PATJ: variants seen among roughly 807,000 people sequenced by gnomAD.
The protein encoded by PATJ is inaD-like protein.
In PATJ, 190 loss-of-function variants were observed where a neutral mutation model predicts 224.9. The ratio of observed to expected loss-of-function variants is 0.84; its 90% CI spans 0.75 to 0.95. The LOEUF is 0.95. Ranked by LOEUF, PATJ falls within the 40% of genes least tolerant of loss-of-function variation. The probability of loss-of-function intolerance (pLI) is 0.00; values close to 1 mark genes in which losing one functional copy is unlikely to be tolerated. For missense variants in PATJ, 2,121 were observed against 2,270.3 expected, an observed-to-expected ratio of 0.93 and a Z score of 1.34; for synonymous variants, 769 against 820.3, an observed-to-expected ratio of 0.94 and a Z score of 1.07.
In PATJ at chr1:61,766,317, T is replaced by C. The variant is rs1446005086; in HGVS notation, c.228T>C (p.Asp76=). 1.2e-6 allele frequency: 2 copies of C among 1,611,824 alleles called. No individual in the cohort carries two copies. Among genetic ancestry groups the C allele is most frequent in the Non-Finnish European group, 1.7e-6 (2 of 1,179,076 alleles). ...CCTCAGATTGTTCAGCCAACTTTGATTTTTCTAGGAAAGGTTTGTTAGTGT... is the reference window on the plus strand; with the variant it reads ...CCTCAGATTGTTCAGCCAACTTTGACTTTTCTAGGAAAGGTTTGTTAGTGT... The part of the protein sequence containing the change: ...HIPSDCSANF[D]FSRKGLLVFT... Residue 76 remains aspartate (D), a synonymous_variant, in exon 4 of 44, where the codon GAT becomes GAC. Transcript: ENST00000642238.
intron 20 of PATJ, among the ~76,000 whole-genome samples, chr1:61,871,717 C>T (rs991013464): frequency 6.6e-6 from 1 of 150,862 alleles, no homozygotes; most frequent in African/African-American, 2.4e-5. Flanking sequence ...CACCCACCAC[C>T]ACGCCCAGCT....
At chr1:61,853,923 C>G (rs181270335) in intron 17 of PATJ, among the ~76,000 whole-genome samples, 37 of 152,210 alleles carry the variant, frequency 2.4e-4, no homozygotes, top group African/African-American at 7.7e-4. Context: ...TGAAGAGTCT[C>G]TTGACTCGGG....
chr1:62,013,224 T>G (rs1646556888), intron 28 of PATJ: 1 of 321,142 alleles, frequency 3.1e-6, no homozygotes, highest in Non-Finnish European at 4.5e-6. Flanking sequence ...ATAGATTCTA[T>G]TCTACCAAAA....
intron 20 of PATJ, chr1:61,865,390 T>A (rs949680642): frequency 6.6e-6 from 1 of 151,404 alleles, no homozygotes. Context: ...CTGGCTAGTT[T>A]TGTTTTTTTT....
intron 19 of PATJ, 53 bp downstream of exon 19, chr1:61,861,720 C>G: frequency 1.3e-6 from 1 of 753,038 alleles, no homozygotes; most frequent in South Asian, 2.3e-5. Context: ...GCTAAAATTT[C>G]TATGTAGAAA....
At chr1:61,821,759 T>C (rs1318297259) in intron 14 of PATJ, among the ~76,000 whole-genome samples, 1 of 152,164 alleles carries the variant, frequency 6.6e-6, no homozygotes, top group Non-Finnish European at 1.5e-5. Context: ...ATCAGACTAT[T>C]GATACAGGAA....
intron 14 of PATJ, among the ~76,000 whole-genome samples, chr1:61,818,648 C>T (rs1017074732): frequency 2.0e-5 from 3 of 152,222 alleles, no homozygotes; most frequent in Admixed American, 6.5e-5. Flanking sequence ...TGACAGATTT[C>T]ATAAGCATTG....
chr1:62,081,489 T>A (rs1404652952), intron 32 of PATJ, among the ~76,000 whole-genome samples: 2 of 152,174 alleles, frequency 1.3e-5, no homozygotes, highest in Non-Finnish European at 2.9e-5. Flanking sequence ...CCAGGATGTC[T>A]CACCAGGTTT....
At chr1:61,975,792 C>G (rs567545602) in intron 27 of PATJ, among the ~76,000 whole-genome samples, 1 of 152,128 alleles carries the variant, frequency 6.6e-6, no homozygotes, top group South Asian at 2.1e-4. Flanking sequence ...AAGCCACATT[C>G]GGCTGCAGCT....
At chr1:62,048,037 C>G (rs1434396797) in intron 30 of PATJ, among the ~76,000 whole-genome samples, 1 of 152,186 alleles carries the variant, frequency 6.6e-6, no homozygotes, top group Non-Finnish European at 1.5e-5. Context: ...TAGCATGGCC[C>G]TTTCCCAGCT....
intron 34 of PATJ, among the ~76,000 whole-genome samples, chr1:62,109,664 A>G (rs1259369190): frequency 6.6e-6 from 1 of 152,212 alleles, no homozygotes; most frequent in East Asian, 1.9e-4. Context: ...TTTCAAATCA[A>G]TTGGTGTTAT....
At chr1:61,990,137 CTATT>C (rs1398511244) in intron 27 of PATJ, 27 bp from the exon 28 acceptor site, 23 of 1,439,014 alleles carry the variant, frequency 1.6e-5, no homozygotes, top group Non-Finnish European at 1.8e-5. Flanking sequence ...TCAAGCTACT[CTATT>C]TAATTTTAAA....
chr1:62,135,589 A>C (rs920930505), intron 41 of PATJ, among the ~76,000 whole-genome samples: 2 of 151,372 alleles, frequency 1.3e-5, no homozygotes, highest in African/African-American at 4.9e-5. Context: ...AAGGACAAAG[A>C]CCCAAGGTTT....
At chr1:61,965,530 C>T (rs200629716) in intron 27 of PATJ, among the ~76,000 whole-genome samples, 28 of 152,200 alleles carry the variant, frequency 1.8e-4, no homozygotes, top group Middle Eastern at 3.2e-3. Flanking sequence ...CTCTCACTAA[C>T]GTTGTCAACC....
chr1:61,997,982 T>TTTTTTTTATATATATATATA (rs374175697), intron 28 of PATJ, among the ~76,000 whole-genome samples: 1 of 118,338 alleles, frequency 8.5e-6, no homozygotes, highest in Non-Finnish European at 1.6e-5. Flanking sequence ...TGTGCCCAGC[T>TTTTTTTTATATATATATATA]TATATATGTA....
chr1:61,810,130 A>G (rs1439794799), intron 14 of PATJ, among the ~76,000 whole-genome samples: 3 of 151,806 alleles, frequency 2.0e-5, no homozygotes, highest in Non-Finnish European at 4.4e-5. Flanking sequence ...GATTACAGGC[A>G]TGAGTCACCA....
At chr1:62,084,875 TG>T (rs911358073) in intron 33 of PATJ, among the ~76,000 whole-genome samples, 1 of 152,188 alleles carries the variant, frequency 6.6e-6, no homozygotes, top group African/African-American at 2.4e-5. Flanking sequence ...CCCAGCACTT[TG>T]GGAGGCCAAG....
At chr1:61,877,699 C>T (rs11207850) in intron 21 of PATJ, among the ~76,000 whole-genome samples, 102,897 of 152,054 alleles carry the variant, frequency 0.68, 35,133 homozygotes, top group East Asian at 0.88. Context: ...CCATGCCTCT[C>T]GTACAGCCTG....
Position 61,752,311 on chromosome 1 carries a change from CT to C in PATJ, c.-36+9776del, listed in dbSNP as rs370759266. Among the ~76,000 whole-genome samples the C allele has an allele frequency of 1.5e-3, 187 of 124,024 alleles. 1 individual carries two copies. The highest frequency in any genetic ancestry group is 2.6e-3 in the African/African-American group (85 of 32,554). 81.4% of individuals were successfully genotyped at this position (124,024 alleles called of 152,430 possible). A position where few individuals can be genotyped will look rare whatever the true frequency, so the allele number is the denominator to read the frequency against. On this transcript the variant is annotated intron_variant, in intron 1 of 43. Transcript: ENST00000642238. Reference sequence around the variant, plus strand: ...AAAAACTGACTCTTTTCATTTCTTTCTTTTTTTTTTTTTTTTTTTTAAGACG... The same window carrying C: ...AAAAACTGACTCTTTTCATTTCTTTCTTTTTTTTTTTTTTTTTTTAAGACG...
Sources: allele counts gnomAD v4.1 joint callset (sites outside exome capture counted in the v4.1 genomes callset), GRCh38; gene constraint gnomAD v4.1.1; transcripts MANE v1.5; gene names NCBI Gene and HGNC (gene_info 2026-07-23, HGNC 2026-07-21).